SHTN1: variants seen among roughly 807,000 people sequenced by gnomAD.
SHTN1 encodes shootin 1.
In SHTN1, 42 loss-of-function variants were observed where a neutral mutation model predicts 83.1. The ratio of observed to expected loss-of-function variants is 0.51; its 90% confidence interval spans 0.39 to 0.65. SHTN1 has a LOEUF of 0.65. Among genes scored for constraint, SHTN1 ranks in the 30% least tolerant of loss-of-function variants. The pLI, the probability that SHTN1 is intolerant of heterozygous loss-of-function variation, is 0.00. For synonymous variants in SHTN1, 224 were observed against 247.7 expected (o/e 0.90, Z 0.90); for missense variants, 622 against 737.8 (o/e 0.84, Z 1.82).
At chr10:116,902,986 T>G (rs1016597328) in intron 15 of SHTN1, among the ~76,000 whole-genome samples, 4 of 152,182 alleles carry the variant, frequency 2.6e-5, no homozygotes, top group African/African-American at 9.7e-5. Context: ...CCTGATATAC[T>G]CAGTATAATA....
At chr10:117,072,643 T>G in intron 1 of SHTN1, among the ~76,000 whole-genome samples, 1 of 152,198 alleles carries the variant, frequency 6.6e-6, no homozygotes, top group East Asian at 1.9e-4. Flanking sequence ...TCTCAGGAAG[T>G]GACATCCATA....
At chr10:116,952,079 T>C (rs1291473301) in intron 5 of SHTN1, 73 bp from the exon 6 acceptor site, 1 of 717,058 alleles carries the variant, frequency 1.4e-6, no homozygotes, top group Non-Finnish European at 2.1e-6. Flanking sequence ...GTCAAAAGAA[T>C]TGAAAATGCC....
At chr10:117,026,290 T>A (rs532090426) in intron 2 of SHTN1, among the ~76,000 whole-genome samples, 8 of 152,248 alleles carry the variant, frequency 5.3e-5, no homozygotes, top group African/African-American at 1.4e-4. Flanking sequence ...GTACTCCCTG[T>A]GGGCCTGTGG....
chr10:116,980,069 A>G (rs566070308), intron 1 of SHTN1, among the ~76,000 whole-genome samples: 1 of 147,104 alleles, frequency 6.8e-6, no homozygotes, highest in African/African-American at 2.4e-5. Context: ...GCCCCTGCCC[A>G]GAAAAAAAAA....
At chr10:116,916,185 A>C (rs930639013) in intron 12 of SHTN1, among the ~76,000 whole-genome samples, 27 of 152,054 alleles carry the variant, frequency 1.8e-4, no homozygotes, top group African/African-American at 6.3e-4. Flanking sequence ...ATTTTGCTGC[A>C]AAAAAAATAA....
At position 116,886,575 on chromosome 10, in the gene SHTN1, TGAA is replaced by T. The variant is rs1219983819; in HGVS notation, c.1674-12_1674-10del. 3.7e-6 allele frequency: 6 copies of T among 1,613,090 alleles called. No individual in the cohort carries two copies. The highest frequency in any genetic ancestry group is 5.1e-6 in the Non-Finnish European group (6 of 1,179,568). On this transcript the variant is annotated splice_polypyrimidine_tract_variant and intron_variant, in intron 16 of 16. Transcript: ENST00000355371. ...CAATGCTACTGGGAGGCCTATGAGA[TGAA>T]GAGTTAGACAAAAAAAGTAAAAAGC...
intron 1 of SHTN1, among the ~76,000 whole-genome samples, chr10:116,981,078 G>A (rs1390421014): frequency 6.6e-6 from 1 of 152,108 alleles, no homozygotes; most frequent in African/African-American, 2.4e-5. Context: ...CAACACTTTG[G>A]TAGGCCGAGG....
At chr10:117,073,989 A>G (rs1202768135) in intron 1 of SHTN1, among the ~76,000 whole-genome samples, 1 of 152,106 alleles carries the variant, frequency 6.6e-6, no homozygotes, top group Non-Finnish European at 1.5e-5. Context: ...ACTTTTTTGA[A>G]TGGGGCAGGG....
chr10:117,003,546 G>A lies in SHTN1; in HGVS notation c.58+1476C>T, dbSNP rs181673803. Reference sequence around the variant, plus strand: ...TGTTTGCCAGAGTGTGGCTTCAGAGGAATCCGGGAGCACTTCCCAACGGTG... The same window carrying A: ...TGTTTGCCAGAGTGTGGCTTCAGAGAAATCCGGGAGCACTTCCCAACGGTG... On this transcript the variant is annotated intron_variant, in intron 1 of 16. Transcript: ENST00000355371. Among the ~76,000 whole-genome samples, 29 of 151,940 alleles carry A rather than the reference G, an allele frequency of 1.9e-4. No individual in the cohort carries two copies. The East Asian group carries it at 4.3e-3, about 22-fold the overall frequency.
intron 1 of SHTN1, among the ~76,000 whole-genome samples, chr10:117,109,799 A>T (rs1853739157): frequency 6.6e-6 from 1 of 151,844 alleles, no homozygotes; most frequent in African/African-American, 2.4e-5. Context: ...TCCTGACCTC[A>T]GGTGATCCAC....
chr10:116,901,650 G>C, intron 16 of SHTN1, 115 bp downstream of exon 16: 1 of 1,357,216 alleles, frequency 7.4e-7, no homozygotes, highest in Non-Finnish European at 9.4e-7. Context: ...AAGAAGAAGA[G>C]AATTTACCGG....
At chr10:116,967,148 T>C (rs895402676) in intron 3 of SHTN1, among the ~76,000 whole-genome samples, 2 of 152,238 alleles carry the variant, frequency 1.3e-5, no homozygotes, top group African/African-American at 2.4e-5. Flanking sequence ...TGCAGAATGA[T>C]GGAGAAAGGC....
At position 116,906,616 on chromosome 10, in the gene SHTN1, A is replaced by C. The variant is rs2133336425; in HGVS notation, c.1480+11T>G. The C allele has an allele frequency of 6.2e-7, 1 of 1,607,520 alleles. No homozygotes were observed. Among genetic ancestry groups the C allele is most frequent in the Non-Finnish European group, 8.5e-7 (1 of 1,177,250 alleles). The stretch of plus-strand genomic sequence containing the variant: ...GAAGAGAAGGACTGTGGAGAATTCA[A>C]ACCGGCTTACTACTGCTATCTGCTT... On this transcript the variant is annotated intron_variant, in intron 15 of 16. Coordinates refer to ENST00000355371, the MANE Select transcript of SHTN1 (RefSeq NM_001127211.3).
intron 1 of SHTN1, among the ~76,000 whole-genome samples, chr10:116,995,764 GTTTAA>G (rs1851604065): frequency 6.6e-6 from 1 of 151,870 alleles, no homozygotes; most frequent in African/African-American, 2.4e-5. Context: ...AGGAACCTCA[GTTTAA>G]TGGGGCCAAT....
chr10:116,951,680 T>C (rs548443950), intron 6 of SHTN1, among the ~76,000 whole-genome samples: 2 of 152,376 alleles, frequency 1.3e-5, no homozygotes, highest in South Asian at 4.1e-4. Flanking sequence ...AGGAAACATG[T>C]CCATGCTATT....
At chr10:117,117,859 A>G (rs1853871112) in intron 1 of SHTN1, among the ~76,000 whole-genome samples, 1 of 152,134 alleles carries the variant, frequency 6.6e-6, no homozygotes, top group African/African-American at 2.4e-5. Context: ...ATGAAACTAG[A>G]CCCCTATCTC....
At chr10:117,005,886 CT>C (rs1851998271), upstream of SHTN1, among the ~76,000 whole-genome samples, 1 of 152,204 alleles carries the variant, frequency 6.6e-6, no homozygotes, top group African/African-American at 2.4e-5. Flanking sequence ...ATGACCTTCC[CT>C]TTAGAGAGGG....
chr10:116,913,546 G>A (rs955375675), intron 13 of SHTN1, among the ~76,000 whole-genome samples: 1 of 152,198 alleles, frequency 6.6e-6, no homozygotes, highest in Non-Finnish European at 1.5e-5. Context: ...ACGAAAGTAC[G>A]TATGGAACAT....
intron 3 of SHTN1, among the ~76,000 whole-genome samples, chr10:116,961,541 G>A (rs917261281): frequency 1.3e-5 from 2 of 151,846 alleles, no homozygotes. Context: ...TGATGAGCAC[G>A]ATACTTGCAT....
Sources: gnomAD v4.1 joint callset for allele counts (sites outside exome capture counted in the v4.1 genomes callset) on GRCh38, gnomAD v4.1.1 for gene constraint, MANE v1.5 for transcripts, NCBI Gene and HGNC (gene_info 2026-07-23, HGNC 2026-07-21) for gene names.